SCEL: variants seen among roughly 807,000 people sequenced by gnomAD.
SCEL encodes the protein sciellin.
Under a neutral mutation model 117.6 loss-of-function variants are expected in SCEL, and 113 were observed. The observed-to-expected ratio is 0.96, with a 90% CI of 0.83 to 1.12. The LOEUF (loss-of-function observed/expected upper bound fraction) is 1.12, where lower values mean the gene tolerates loss of function less well. Ranked by LOEUF, SCEL falls within the 50% of genes most tolerant of loss-of-function variation. The probability of loss-of-function intolerance (pLI) is 0.00; values close to 1 mark genes in which losing one functional copy is unlikely to be tolerated. For synonymous variants in SCEL, 270 were observed against 256.2 expected, an observed-to-expected ratio of 1.05 and a Z score of -0.51; for missense variants, 785 against 810.8, an observed-to-expected ratio of 0.97 and a Z score of 0.39.
chr13:77,608,515 G>A (rs1028010374), intron 20 of SCEL, among the ~76,000 whole-genome samples: 7 of 152,118 alleles, frequency 4.6e-5, no homozygotes, highest in Non-Finnish European at 7.4e-5. Flanking sequence ...CAGGAGAATC[G>A]TTTGAACCCA....
chr13:77,623,777 A>C (rs1162053063), intron 27 of SCEL, among the ~76,000 whole-genome samples: 4 of 152,352 alleles, frequency 2.6e-5, no homozygotes, highest in African/African-American at 9.6e-5. Context: ...TACAGCAGCC[A>C]GGATTATGCA....
At chr13:77,624,873 G>C (rs566697691) in intron 27 of SCEL, among the ~76,000 whole-genome samples, 97 of 152,286 alleles carry the variant, frequency 6.4e-4, no homozygotes, top group African/African-American at 2.2e-3. Flanking sequence ...TTTTCTCAGA[G>C]CTGGATAAGG....
chr13:77,614,060 A>G, intron 24 of SCEL, 105 bp downstream of exon 24: 1 of 966,902 alleles, frequency 1.0e-6, no homozygotes, highest in Non-Finnish European at 1.6e-6. Context: ...TAAATCTCAA[A>G]ATATCATCAC....
intron 5 of SCEL, among the ~76,000 whole-genome samples, chr13:77,566,651 T>C (rs550734901): frequency 6.6e-6 from 1 of 152,342 alleles, no homozygotes; most frequent in South Asian, 2.1e-4. Context: ...CCAAATCTAA[T>C]GGTTTAACAC....
intron 3 of SCEL, among the ~76,000 whole-genome samples, chr13:77,558,480 G>A (rs989728735): frequency 1.3e-5 from 2 of 152,060 alleles, no homozygotes; most frequent in East Asian, 1.9e-4. Context: ...TTATGTTTCT[G>A]TTTAATTGTC....
intron 28 of SCEL, among the ~76,000 whole-genome samples, chr13:77,628,498 GTA>G (rs1428922545): frequency 6.6e-6 from 1 of 151,994 alleles, no homozygotes; most frequent in Admixed American, 6.6e-5. Context: ...ACACCATAGG[GTA>G]TAATAGCTTT....
chr13:77,583,978 G>A lies in SCEL; in HGVS notation c.546-5166G>A, dbSNP rs183848397. Among the ~76,000 whole-genome samples the A allele has an allele frequency of 8.3e-4, 127 of 152,272 alleles. 1 individual carries two copies. Among genetic ancestry groups the A allele is most frequent in the Non-Finnish European group, 1.2e-3 (84 of 68,012 alleles). On this transcript the variant is annotated intron_variant, in intron 9 of 32. Transcript: ENST00000349847. ...GTCTGCAAGTGTTCACATGTTTCTC[G>A]TGAAATCCACGTTTTTTATTCCTGA...
At chr13:77,613,442 AG>A in intron 23 of SCEL, among the ~76,000 whole-genome samples, 1 of 152,354 alleles carries the variant, frequency 6.6e-6, no homozygotes, top group South Asian at 2.1e-4. Context: ...AGTTAATAAA[AG>A]CATGGCAGAG....
chr13:77,538,029 G>C (rs1292294383), intron 1 of SCEL, among the ~76,000 whole-genome samples: 1 of 151,876 alleles, frequency 6.6e-6, no homozygotes, highest in African/African-American at 2.4e-5. Context: ...ATTTTCTTTG[G>C]CTGGGTACTT....
chr13:77,602,617 G>GT, intron 16 of SCEL, 37 bp from the exon 17 acceptor site: 1 of 1,576,360 alleles, frequency 6.3e-7, no homozygotes, highest in Non-Finnish European at 8.7e-7. Context: ...AAATTGTACT[G>GT]TAACCTAACT....
intron 1 of SCEL, among the ~76,000 whole-genome samples, chr13:77,549,547 G>A (rs2154394911): frequency 6.6e-6 from 1 of 152,230 alleles, no homozygotes; most frequent in South Asian, 2.1e-4. Context: ...CTCTCATTCT[G>A]CTTTCCTGTA....
At chr13:77,561,222 C>T (rs532093173) in intron 4 of SCEL, among the ~76,000 whole-genome samples, 1 of 152,188 alleles carries the variant, frequency 6.6e-6, no homozygotes, top group African/African-American at 2.4e-5. Flanking sequence ...CATTTAAGAA[C>T]AGAAATGCTT....
At chr13:77,637,637 C>G (rs2154406978) in intron 30 of SCEL, among the ~76,000 whole-genome samples, 1 of 152,228 alleles carries the variant, frequency 6.6e-6, no homozygotes, top group South Asian at 2.1e-4. Context: ...GCCAGCCCCT[C>G]TGCTGCTGGT....
chr13:77,542,796 T>G (rs778993294), intron 1 of SCEL, among the ~76,000 whole-genome samples: 3 of 152,228 alleles, frequency 2.0e-5, no homozygotes, highest in Non-Finnish European at 4.4e-5. Context: ...TTGTTTTATT[T>G]ATCTTCCAAA....
intron 1 of SCEL, among the ~76,000 whole-genome samples, chr13:77,546,253 T>C (rs962528571): frequency 3.3e-5 from 5 of 152,200 alleles, no homozygotes; most frequent in African/African-American, 1.2e-4. Context: ...ACTCCAGGCA[T>C]TTCTCTGAGT....
At position 77,599,692 on chromosome 13, in the gene SCEL, CA is replaced by C; in HGVS notation, c.865del (p.Ser289AlafsTer8). The part of the protein sequence containing the change: ...PKVEEREKRA[K>X]SLESLIYMST... The stretch of plus-strand genomic sequence containing the variant: ...GTGAATTTCTTTGTGTTTTCAGAGC[CA>C]AAAGCCTTGAAAGTCTCATCTATAT... On this transcript the variant is annotated frameshift_variant, in exon 15 of 33. Coordinates refer to ENST00000349847, the MANE Select transcript of SCEL (RefSeq NM_144777.3). LOFTEE classifies it high-confidence loss of function. The C allele has an allele frequency of 6.2e-7, 1 of 1,610,024 alleles. No individual in the cohort carries two copies. Among genetic ancestry groups the C allele is most frequent in the Non-Finnish European group, 8.5e-7 (1 of 1,176,250 alleles).
At chr13:77,590,600 G>C (rs142789953) in intron 10 of SCEL, among the ~76,000 whole-genome samples, 1 of 152,022 alleles carries the variant, frequency 6.6e-6, no homozygotes, top group African/African-American at 2.4e-5. Context: ...TTTAAAGGAA[G>C]CTAAATTTCA....
intron 1 of SCEL, among the ~76,000 whole-genome samples, chr13:77,551,395 C>T (rs2084312944): frequency 6.6e-6 from 1 of 152,182 alleles, no homozygotes; most frequent in Non-Finnish European, 1.5e-5. Context: ...TATAACTCTT[C>T]AAATTACTTT....
chr13:77,638,549 C>T (rs1174778082), intron 30 of SCEL, among the ~76,000 whole-genome samples: 2 of 152,202 alleles, frequency 1.3e-5, no homozygotes, highest in Non-Finnish European at 2.9e-5. Context: ...ACTTTAAACC[C>T]TATTCCTAAA....
Sources: gnomAD v4.1 joint callset for allele counts (sites outside exome capture counted in the v4.1 genomes callset) on GRCh38, gnomAD v4.1.1 for gene constraint, MANE v1.5 for transcripts, NCBI Gene and HGNC (gene_info 2026-07-23, HGNC 2026-07-21) for gene names.